Variants in GTPBP4 observed in about 807,000 individuals in gnomAD.
GTPBP4 encodes the protein GTP binding protein 4.
A neutral mutation model predicts 81.7 loss-of-function variants in GTPBP4; 15 were observed. The ratio of observed to expected loss-of-function variants is 0.18; its 90% CI spans 0.12 to 0.28. The LOEUF (loss-of-function observed/expected upper bound fraction) is 0.28, where lower values mean the gene tolerates loss of function less well. Ranked by LOEUF, GTPBP4 falls within the 10% of genes least tolerant of loss-of-function variation. The pLI is 1.00. For missense variants in GTPBP4, 847 were observed against 793.8 expected (o/e 1.07, Z -0.81); for synonymous variants, 272 against 274.6 (o/e 0.99, Z 0.09).
At chr10:991,544 G>T (rs1831442925) in intron 1 of GTPBP4, among the ~76,000 whole-genome samples, 1 of 152,148 alleles carries the variant, frequency 6.6e-6, no homozygotes, top group African/African-American at 2.4e-5. Context: ...TCAAAGTCAA[G>T]GGTATGCATA....
chr10:1,013,692 G>T (rs1831921841), intron 14 of GTPBP4, among the ~76,000 whole-genome samples: 1 of 152,200 alleles, frequency 6.6e-6, no homozygotes, highest in Non-Finnish European at 1.5e-5. Context: ...GCAATTTATT[G>T]GCTCTGTGGC....
intron 14 of GTPBP4, 27 bp from the exon 15 acceptor site, chr10:1,014,220 G>C: frequency 7.0e-7 from 1 of 1,423,778 alleles, no homozygotes; most frequent in Non-Finnish European, 9.9e-7. Context: ...CTAATTTAAA[G>C]CTAATATTTC....
At chr10:1,008,506 T>C in intron 10 of GTPBP4, 1 of 299,558 alleles carries the variant, frequency 3.3e-6, no homozygotes, top group South Asian at 3.0e-5. Flanking sequence ...GAGGTTGCAC[T>C]CCGTTTCAAG....
At position 990,902 on chromosome 10, in the gene GTPBP4, C is replaced by T. The variant is rs115549125; in HGVS notation, c.49-1587C>T. On this transcript the variant is annotated intron_variant, in intron 1 of 16. Coordinates refer to ENST00000360803, the MANE Select transcript of GTPBP4 (RefSeq NM_012341.3). ...TGAAGTAGGTAACCTTTGACTTGGTCCCCCTTCAGGATGTGCGAACGGCAT... is the reference window on the plus strand; with the variant it reads ...TGAAGTAGGTAACCTTTGACTTGGTTCCCCTTCAGGATGTGCGAACGGCAT... 6.3e-3 allele frequency among the ~76,000 whole-genome samples: 955 copies of T among 151,582 alleles called. 13 individuals carry two copies. Among genetic ancestry groups the T allele is most frequent in the African/African-American group, 0.022 (896 of 41,274 alleles).
At position 1,010,466 on chromosome 10, in the gene GTPBP4, A is replaced by G. The variant is rs1414557003; in HGVS notation, c.1290A>G (p.Pro430=). 1.9e-6 allele frequency: 3 copies of G among 1,586,606 alleles called. No individual in the cohort carries two copies. The highest frequency in any genetic ancestry group is 2.6e-6 in the Non-Finnish European group (3 of 1,155,068). Residue 430 remains proline (P), a synonymous_variant, in exon 13 of 17, where the codon CCA becomes CCG. Transcript: ENST00000360803. ...MNLSEKHDKI[P]EIWEGHNIAD... ...TGTCTGAAAAACATGATAAGATACC[A>G]GAAATCTGGGAAGGCCATAATATAG...
chr10:1,005,391 C>T (rs1167340255), intron 8 of GTPBP4, among the ~76,000 whole-genome samples: 2 of 152,112 alleles, frequency 1.3e-5, no homozygotes, highest in Non-Finnish European at 2.9e-5. Flanking sequence ...ATGATCCACC[C>T]GCCTCGGCCT....
intron 8 of GTPBP4, among the ~76,000 whole-genome samples, chr10:1,002,991 A>G (rs1831663870): frequency 6.6e-6 from 1 of 152,192 alleles, no homozygotes; most frequent in South Asian, 2.1e-4. Flanking sequence ...TATCTCATTA[A>G]ATAGGTTACT....
intron 10 of GTPBP4, 98 bp from the exon 11 acceptor site, chr10:1,008,860 C>G (rs1831799473): frequency 2.3e-6 from 2 of 887,766 alleles, no homozygotes; most frequent in Non-Finnish European, 1.9e-6. Flanking sequence ...GTTTTCTGTT[C>G]CCCTTGCACG....
At chr10:993,916 C>G (rs562057277) in intron 2 of GTPBP4, among the ~76,000 whole-genome samples, 1 of 151,442 alleles carries the variant, frequency 6.6e-6, no homozygotes, top group African/African-American at 2.4e-5. Context: ...CCCGCCACCA[C>G]GCCCGGCTAG....
At chr10:999,968 T>A (rs1831595830) in intron 6 of GTPBP4, among the ~76,000 whole-genome samples, 1 of 152,094 alleles carries the variant, frequency 6.6e-6, no homozygotes, top group South Asian at 2.1e-4. Flanking sequence ...TCAAAAAAAA[T>A]AAATAAATAC....
intron 4 of GTPBP4, 99 bp from the exon 5 acceptor site, chr10:997,109 A>G (rs1483533126): frequency 8.0e-6 from 6 of 749,754 alleles, no homozygotes; most frequent in Non-Finnish European, 1.4e-5. Context: ...AGTAAGATGA[A>G]TATCACCATA....
At chr10:1,011,953 A>G (rs1348954736) in intron 13 of GTPBP4, among the ~76,000 whole-genome samples, 1 of 152,224 alleles carries the variant, frequency 6.6e-6, no homozygotes, top group Admixed American at 6.5e-5. Flanking sequence ...ACTGCTGGCC[A>G]GCATCTCGTA....
intron 5 of GTPBP4, among the ~76,000 whole-genome samples, chr10:998,718 A>G (rs1831574901): frequency 6.6e-6 from 1 of 152,234 alleles, no homozygotes; most frequent in Admixed American, 6.5e-5. Flanking sequence ...CATGCCTGTC[A>G]TCATAAAGAG....
rs1831831590 is a variant in GTPBP4, at chr10:1,010,376, A to G, written c.1244-44A>G. The G allele has an allele frequency of 2.0e-6, 2 of 994,592 alleles. 1 individual carries two copies. The highest frequency in any genetic ancestry group is 4.7e-5 in the East Asian group (2 of 42,202). The allele number at this position is 994,592 out of a possible 1,614,324, so 61.6% of individuals were successfully genotyped here. Reference sequence around the variant, plus strand: ...TTTTGCGCACGTAGTACTTGAAGATATTAAAAACTGCTGTAAACGTAACCA... The same window carrying G: ...TTTTGCGCACGTAGTACTTGAAGATGTTAAAAACTGCTGTAAACGTAACCA... On this transcript the variant is annotated intron_variant, in intron 12 of 16. Coordinates refer to ENST00000360803, the MANE Select transcript of GTPBP4 (RefSeq NM_012341.3).
intron 4 of GTPBP4, 33 bp downstream of exon 4, chr10:996,275 G>C (rs1831536884): frequency 6.3e-7 from 1 of 1,583,874 alleles, no homozygotes; most frequent in Admixed American, 1.8e-5. Context: ...AACCGTGCTA[G>C]CATCCTGCTG....
At chr10:1,009,740 A>C (rs1831814508) in intron 12 of GTPBP4, among the ~76,000 whole-genome samples, 160 bp downstream of exon 12, 2 of 152,260 alleles carry the variant, frequency 1.3e-5, no homozygotes, top group Non-Finnish European at 2.9e-5. Context: ...GGCCAGGTGC[A>C]GTGGCTCACG....
intron 14 of GTPBP4, among the ~76,000 whole-genome samples, chr10:1,013,361 G>A (rs948232456): frequency 6.6e-6 from 1 of 151,512 alleles, no homozygotes; most frequent in Non-Finnish European, 1.5e-5. Context: ...TGTAATCTCA[G>A]CACTTTGGGA....
At chr10:1,001,778 A>C (rs1374835265) in intron 8 of GTPBP4, among the ~76,000 whole-genome samples, 1 of 151,936 alleles carries the variant, frequency 6.6e-6, no homozygotes, top group Non-Finnish European at 1.5e-5. Context: ...GCAATTTTTA[A>C]AAATTGATGA....
rs559447052 is a variant in GTPBP4, at chr10:1,017,508, G to T, written c.*281G>T. On this transcript the variant is annotated 3_prime_UTR_variant, in exon 17 of 17. Transcript: ENST00000360803. ...CTGGGAAGATTTACTGGTTTAACTA[G>T]GTTGTTTTTGATGGAGAAAAACCTT... is the stretch of plus-strand genomic sequence containing the variant. 128 of 289,944 alleles carry T rather than the reference G, an allele frequency of 4.4e-4. 1 individual carries two copies. Among genetic ancestry groups the T allele is most frequent in the African/African-American group, 2.4e-3 (111 of 46,204 alleles). 18.0% of individuals were successfully genotyped at this position (289,944 alleles called of 1,614,324 possible).
Sources: allele counts gnomAD v4.1 joint callset (sites outside exome capture counted in the v4.1 genomes callset), GRCh38; gene constraint gnomAD v4.1.1; transcripts MANE v1.5; gene names NCBI Gene and HGNC (gene_info 2026-07-23, HGNC 2026-07-21).